CNTN4: variants seen among roughly 807,000 people sequenced by gnomAD.
CNTN4 encodes contactin-4.
In CNTN4, 77 loss-of-function variants were observed where a neutral mutation model predicts 122.5. The ratio of observed to expected loss-of-function variants is 0.63; its 90% CI spans 0.52 to 0.76. CNTN4 has a LOEUF of 0.76. CNTN4 is among the 30% of genes least tolerant of loss of function. The pLI is 0.00. For synonymous variants in CNTN4, 512 were observed against 447.0 expected (o/e 1.15, Z -1.83); for missense variants, 1,256 against 1,259.1 (o/e 1.00, Z 0.04).
chr3:3,054,426 A>G (rs1044980259), intron 24 of CNTN4, among the ~76,000 whole-genome samples: 2 of 152,224 alleles, frequency 1.3e-5, no homozygotes, highest in African/African-American at 4.8e-5. Context: ...CTTATTTTCA[A>G]TGGGTATATG....
intron 3 of CNTN4, among the ~76,000 whole-genome samples, chr3:2,384,740 C>G (rs1411317322): frequency 1.3e-5 from 2 of 150,534 alleles, no homozygotes; most frequent in African/African-American, 2.5e-5. Flanking sequence ...GGCTCCTACA[C>G]CAGTAACAAC....
intron 6 of CNTN4, among the ~76,000 whole-genome samples, chr3:2,804,632 G>A (rs975334): frequency 0.51 from 76,951 of 151,992 alleles, 21,074 homozygotes; most frequent in East Asian, 0.81. Context: ...ACTAAGCAAG[G>A]AAGGTGTGAG....
intron 2 of CNTN4, among the ~76,000 whole-genome samples, chr3:2,200,868 T>G (rs2177340): frequency 0.045 from 6,811 of 152,208 alleles, 266 homozygotes; most frequent in African/African-American, 0.11. Flanking sequence ...AATTGAAAAT[T>G]TGGGCTTCAA....
chr3:2,760,195 A>AT (rs1349691472), intron 6 of CNTN4, among the ~76,000 whole-genome samples: 2 of 152,090 alleles, frequency 1.3e-5, no homozygotes, highest in South Asian at 4.2e-4. Flanking sequence ...AATCTAATTT[A>AT]TTTTTTTCTT....
At chr3:2,292,890 G>A (rs2042184983) in intron 2 of CNTN4, among the ~76,000 whole-genome samples, 2 of 152,170 alleles carry the variant, frequency 1.3e-5, no homozygotes, top group African/African-American at 4.8e-5. Context: ...GTCTTGTTGT[G>A]GACATATGCA....
rs150959032 is a variant in CNTN4, at chr3:2,969,531, T to G, written c.1359-18814T>G. Among the ~76,000 whole-genome samples, 898 of 145,988 alleles carry G rather than the reference T, an allele frequency of 6.2e-3. 17 individuals are homozygous for G. The highest frequency in any genetic ancestry group is 0.047 in the Admixed American group (623 of 13,262). On this transcript the variant is annotated intron_variant, in intron 13 of 24. Coordinates refer to ENST00000418658, the MANE Select transcript of CNTN4 (RefSeq NM_175607.3). ...GGAAAATTGGGATTATTATTATTAT[T>G]ATTATTATTCCTAGACAAAGAGAAA... is the stretch of plus-strand genomic sequence containing the variant.
chr3:2,351,534 G>T (rs1165870349), intron 3 of CNTN4, among the ~76,000 whole-genome samples: 1 of 152,188 alleles, frequency 6.6e-6, no homozygotes, highest in Non-Finnish European at 1.5e-5. Context: ...AAAACAGAAA[G>T]TAAATATGTA....
chr3:2,295,892 A>T (rs138297682), intron 2 of CNTN4, among the ~76,000 whole-genome samples: 2 of 152,202 alleles, frequency 1.3e-5, no homozygotes, highest in African/African-American at 4.8e-5. Context: ...AGCTTTCTAC[A>T]TATGACTAGC....
intron 3 of CNTN4, among the ~76,000 whole-genome samples, chr3:2,365,182 C>A (rs1464731318): frequency 6.6e-6 from 1 of 152,038 alleles, no homozygotes; most frequent in African/African-American, 2.4e-5. Flanking sequence ...TCCAGGATCT[C>A]TTTTCTTCTC....
intron 2 of CNTN4, among the ~76,000 whole-genome samples, chr3:2,186,382 A>T (rs985463943): frequency 2.6e-5 from 4 of 152,158 alleles, no homozygotes; most frequent in African/African-American, 9.7e-5. Flanking sequence ...ATAGTGCCGC[A>T]ATAAACATAC....
intron 3 of CNTN4, among the ~76,000 whole-genome samples, chr3:2,388,840 G>A (rs1055711198): frequency 1.3e-5 from 2 of 149,076 alleles, no homozygotes; most frequent in South Asian, 4.3e-4. Context: ...GCTAGATTCT[G>A]TCTCAAACAA....
intron 4 of CNTN4, among the ~76,000 whole-genome samples, chr3:2,575,497 C>G (rs1240447068): frequency 1.3e-5 from 2 of 152,048 alleles, no homozygotes; most frequent in Non-Finnish European, 2.9e-5. Context: ...GGTGACAGAG[C>G]CAGACTCAGG....
intron 13 of CNTN4, among the ~76,000 whole-genome samples, chr3:2,975,367 A>C (rs183577026): frequency 9.1e-4 from 139 of 152,302 alleles, no homozygotes; most frequent in African/African-American, 3.1e-3. Flanking sequence ...CCTGAGCTCA[A>C]AACTCCACTC....
At chr3:2,306,501 TATTTA>T (rs1162230238) in intron 2 of CNTN4, among the ~76,000 whole-genome samples, 1 of 152,224 alleles carries the variant, frequency 6.6e-6, no homozygotes, top group African/African-American at 2.4e-5. Context: ...CTTTTTTCAA[TATTTA>T]ATTATAAGAG....
At chr3:2,438,547 G>T (rs781363840) in intron 3 of CNTN4, among the ~76,000 whole-genome samples, 1 of 152,130 alleles carries the variant, frequency 6.6e-6, no homozygotes, top group Non-Finnish European at 1.5e-5. Flanking sequence ...AAAAAAACCT[G>T]TTTTGTTTAT....
chr3:2,975,346 C>T (rs954464740), intron 13 of CNTN4, among the ~76,000 whole-genome samples: 2 of 152,156 alleles, frequency 1.3e-5, no homozygotes, highest in African/African-American at 2.4e-5. Flanking sequence ...GGTACAGGCT[C>T]TCTAGTGAGC....
intron 13 of CNTN4, among the ~76,000 whole-genome samples, chr3:2,955,183 C>T (rs1223068459): frequency 6.6e-6 from 1 of 152,138 alleles, no homozygotes; most frequent in Admixed American, 6.5e-5. Context: ...TCACCAAAAT[C>T]TTACAGTTGA....
At chr3:2,273,487 T>A (rs1160440920) in intron 2 of CNTN4, among the ~76,000 whole-genome samples, 1 of 152,188 alleles carries the variant, frequency 6.6e-6, no homozygotes, top group African/African-American at 2.4e-5. Flanking sequence ...TAACTTCACT[T>A]CTTGGTCTTA....
rs3053504 is a variant in CNTN4, at chr3:3,040,927, CA to C, written c.2398+671del. ...GGGCAACAAGAGCAAAACTCCATCTCAAAAAAAAAAAAAAATCTCACTTATT... is the reference window on the plus strand; with the variant it reads ...GGGCAACAAGAGCAAAACTCCATCTCAAAAAAAAAAAAAATCTCACTTATT... On this transcript the variant is annotated intron_variant, in intron 20 of 24. Coordinates refer to ENST00000418658, the MANE Select transcript of CNTN4 (RefSeq NM_175607.3). The C allele has an allele frequency of 7.3e-3, 1,033 of 141,772 alleles. 9 individuals carry two copies. The highest frequency in any genetic ancestry group is 0.019 in the African/African-American group (740 of 39,898). 8.8% of individuals were successfully genotyped at this position (141,772 alleles called of 1,614,324 possible). A position where few individuals can be genotyped will look rare whatever the true frequency, so the allele number is the denominator to read the frequency against.
Sources: allele counts gnomAD v4.1 joint callset (sites outside exome capture counted in the v4.1 genomes callset), GRCh38; gene constraint gnomAD v4.1.1; transcripts MANE v1.5; gene names NCBI Gene and HGNC (gene_info 2026-07-23, HGNC 2026-07-21).